CFAP44: variants seen among roughly 807,000 people sequenced by gnomAD.
CFAP44 encodes the protein cilia- and flagella-associated protein 44.
CFAP44 carries 134 observed loss-of-function variants against 216.2 expected under a neutral mutation model. The ratio of observed to expected loss-of-function variants is 0.62; its 90% CI spans 0.54 to 0.72. CFAP44 has a LOEUF of 0.72. Ranked by LOEUF, CFAP44 falls within the 30% of genes least tolerant of loss-of-function variation. The pLI is 0.00. For missense variants in CFAP44, 2,035 were observed against 2,182.1 expected (o/e 0.93, Z 1.34); for synonymous variants, 700 against 727.6 (o/e 0.96, Z 0.61).
chr3:113,368,992 G>A (rs1434022492), intron 18 of CFAP44, among the ~76,000 whole-genome samples: 1 of 151,886 alleles, frequency 6.6e-6, no homozygotes, highest in African/African-American at 2.4e-5. Context: ...AGAGACAAAG[G>A]CCATTACATA....
chr3:113,300,048 G>A (rs990509988), intron 32 of CFAP44, among the ~76,000 whole-genome samples: 3 of 152,176 alleles, frequency 2.0e-5, no homozygotes, highest in Non-Finnish European at 4.4e-5. Flanking sequence ...GAGAGGTCTT[G>A]TCATTTGCAA....
chr3:113,355,977 T>A (rs1328173004), intron 22 of CFAP44, among the ~76,000 whole-genome samples: 1 of 150,998 alleles, frequency 6.6e-6, no homozygotes, highest in Non-Finnish European at 1.5e-5. Flanking sequence ...AAAGCAATTA[T>A]TATAATGTAT....
At chr3:113,366,582 A>G (rs1439044971) in intron 18 of CFAP44, among the ~76,000 whole-genome samples, 1 of 152,152 alleles carries the variant, frequency 6.6e-6, no homozygotes, top group African/African-American at 2.4e-5. Flanking sequence ...AAGATATCAA[A>G]GGGGGTCACT....
At chr3:113,375,265 C>T (rs1274539984) in intron 17 of CFAP44, among the ~76,000 whole-genome samples, 4 of 152,074 alleles carry the variant, frequency 2.6e-5, no homozygotes, top group Non-Finnish European at 4.4e-5. Flanking sequence ...TTGGTGATGA[C>T]GTCACAACAT....
intron 29 of CFAP44, among the ~76,000 whole-genome samples, chr3:113,307,571 T>C (rs1300942480): frequency 2.0e-5 from 3 of 152,276 alleles, no homozygotes; most frequent in Non-Finnish European, 4.4e-5. Flanking sequence ...TCCACTAGAC[T>C]ATAAGCTCCA....
intron 24 of CFAP44, among the ~76,000 whole-genome samples, chr3:113,339,993 GGA>G (rs1399503848): frequency 1.3e-5 from 2 of 152,222 alleles, no homozygotes; most frequent in Admixed American, 1.3e-4. Context: ...GGCCAGGGGA[GGA>G]GAGGGTCAAT....
At chr3:113,419,031 C>A (rs1934732557) in intron 5 of CFAP44, among the ~76,000 whole-genome samples, 1 of 152,120 alleles carries the variant, frequency 6.6e-6, no homozygotes, top group Non-Finnish European at 1.5e-5. Context: ...CCACACTACA[C>A]CTCTGACTAC....
At chr3:113,324,264 A>G (rs1009183015) in intron 28 of CFAP44, among the ~76,000 whole-genome samples, 21 of 152,148 alleles carry the variant, frequency 1.4e-4, no homozygotes, top group African/African-American at 5.1e-4. Flanking sequence ...CATATTAAGA[A>G]GCTAGTTTTT....
intron 21 of CFAP44, chr3:113,361,247 T>C (rs180856647): frequency 6.0e-5 from 13 of 218,412 alleles, no homozygotes; most frequent in Admixed American, 4.9e-4. Context: ...TAATTTCATC[T>C]GTCAGTCCTA....
At chr3:113,299,304 A>G (rs535631202) in intron 32 of CFAP44, among the ~76,000 whole-genome samples, 7 of 152,192 alleles carry the variant, frequency 4.6e-5, no homozygotes, top group Non-Finnish European at 1.0e-4. Flanking sequence ...AAACAGGTAC[A>G]TGAAAAGGTG....
In CFAP44 at chr3:113,289,061, G is replaced by C. The variant is rs1949803135; in HGVS notation, c.*2496C>G. 6.6e-6 allele frequency: 1 copy of C among 152,154 alleles called. No homozygotes were observed. The highest frequency in any genetic ancestry group is 2.1e-4 in the South Asian group (1 of 4,828). The allele number at this position is 152,154 out of a possible 1,614,324, so 9.4% of individuals were successfully genotyped here. A position where few individuals can be genotyped will look rare whatever the true frequency, so the allele number is the denominator to read the frequency against. The stretch of plus-strand genomic sequence containing the variant: ...AGGGAAGTGTGCCAGGAGCAGGATA[G>C]CTTCCCAGCCACCCTGCCCATGCCA... On this transcript the variant is annotated 3_prime_UTR_variant, in exon 35 of 35. Transcript: ENST00000393845.
chr3:113,350,704 G>A (rs755254090), intron 22 of CFAP44, among the ~76,000 whole-genome samples: 7 of 152,186 alleles, frequency 4.6e-5, no homozygotes, highest in African/African-American at 9.7e-5. Flanking sequence ...AATCTGTGGC[G>A]GTGGCTGCTT....
chr3:113,326,959 T>A (rs1046991496), intron 27 of CFAP44, among the ~76,000 whole-genome samples: 1 of 152,264 alleles, frequency 6.6e-6, no homozygotes, highest in Non-Finnish European at 1.5e-5. Flanking sequence ...TATTTTTGCA[T>A]GTGTAGTCTC....
At chr3:113,299,806 T>A (rs1411518539) in intron 32 of CFAP44, among the ~76,000 whole-genome samples, 2 of 152,164 alleles carry the variant, frequency 1.3e-5, no homozygotes, top group East Asian at 3.9e-4. Context: ...AGACAGGCGA[T>A]TGCTTGAGCC....
chr3:113,397,613 C>T (rs1379713368), intron 13 of CFAP44, among the ~76,000 whole-genome samples: 3 of 152,148 alleles, frequency 2.0e-5, no homozygotes, highest in African/African-American at 7.2e-5. Flanking sequence ...ATGGCTTCTA[C>T]ACTTCAGGGG....
intron 24 of CFAP44, among the ~76,000 whole-genome samples, chr3:113,334,315 T>C (rs1950264546): frequency 6.6e-6 from 1 of 152,154 alleles, no homozygotes; most frequent in African/African-American, 2.4e-5. Flanking sequence ...TAGTTTAAGA[T>C]GATAGCATGA....
At chr3:113,343,062 T>C in intron 23 of CFAP44, among the ~76,000 whole-genome samples, 1 of 67,974 alleles carries the variant, frequency 1.5e-5, no homozygotes, top group South Asian at 4.3e-4. Flanking sequence ...TTTCTTTCTT[T>C]TTTTTTTTTT....
intron 13 of CFAP44, among the ~76,000 whole-genome samples, chr3:113,399,518 T>C (rs116361478): frequency 0.021 from 3,054 of 144,834 alleles, 82 homozygotes; most frequent in Non-Finnish European, 0.031. Flanking sequence ...GGGGCAAGTA[T>C]TTTTTGTCTT....
intron 6 of CFAP44, among the ~76,000 whole-genome samples, chr3:113,410,322 C>T (rs567521269): frequency 1.3e-5 from 2 of 152,258 alleles, no homozygotes; most frequent in African/African-American, 2.4e-5. Context: ...CGACAGGCCC[C>T]GGTGTGTGAT....
Sources: allele counts gnomAD v4.1 joint callset (sites outside exome capture counted in the v4.1 genomes callset), GRCh38; gene constraint gnomAD v4.1.1; transcripts MANE v1.5; gene names NCBI Gene and HGNC (gene_info 2026-07-23, HGNC 2026-07-21).